CRYBG1: variants seen among roughly 807,000 people sequenced by gnomAD.
CRYBG1 encodes crystallin beta-gamma domain containing 1.
In CRYBG1, 139 loss-of-function variants were observed where a neutral mutation model predicts 189.2. That is an observed-to-expected ratio of 0.73 (90% CI 0.64 to 0.85). CRYBG1 has a LOEUF of 0.85. Ranked by LOEUF, CRYBG1 falls within the 40% of genes least tolerant of loss-of-function variation. CRYBG1 has a pLI of 0.00. For synonymous variants in CRYBG1, 1,023 were observed against 1,017.1 expected, an observed-to-expected ratio of 1.01 and a Z score of -0.11; for missense variants, 2,611 against 2,675.8, an observed-to-expected ratio of 0.98 and a Z score of 0.53.
intron 8 of CRYBG1, among the ~76,000 whole-genome samples, 165 bp downstream of exon 8, chr6:106,530,480 C>T (rs1017810804): frequency 2.6e-5 from 4 of 151,912 alleles, no homozygotes; most frequent in Non-Finnish European, 4.4e-5. Flanking sequence ...TTCTTTTGCA[C>T]CTATGTTATG....
chr6:106,364,047 G>T (rs992633779), intron 1 of CRYBG1, among the ~76,000 whole-genome samples: 1 of 152,138 alleles, frequency 6.6e-6, no homozygotes, highest in Non-Finnish European at 1.5e-5. Context: ...CAGTCCAGCC[G>T]GGTGCGGTCA....
chr6:106,396,154 CT>C (rs1770604103), intron 1 of CRYBG1, among the ~76,000 whole-genome samples: 1 of 152,128 alleles, frequency 6.6e-6, no homozygotes, highest in South Asian at 2.1e-4. Flanking sequence ...CATTGCTTAG[CT>C]TTGAGTATTT....
At position 106,555,970 on chromosome 6, in the gene CRYBG1, A is replaced by ACT; in HGVS notation, c.5715+73_5715+74insCT. ...AGCTGATGGTCAGAGTGAGGTAACC[A>ACT]GCCGGTAGAACCTGCTCTTAAAGTT... On this transcript the variant is annotated intron_variant, in intron 17 of 21. Coordinates refer to ENST00000633556, the MANE Select transcript of CRYBG1 (RefSeq NM_001371242.2). 2.6e-6 allele frequency: 4 copies of ACT among 1,558,392 alleles called. 1 individual carries two copies. The South Asian group carries it at 4.5e-5, about 18-fold the overall frequency.
chr6:106,460,819 C>T lies in CRYBG1; in HGVS notation c.312+8987C>T, dbSNP rs1423395706. On this transcript the variant is annotated intron_variant, in intron 2 of 21. Coordinates refer to ENST00000633556, the MANE Select transcript of CRYBG1 (RefSeq NM_001371242.2). ...GTTTTGTTTTCTTGAGACAGTCTCA[C>T]TCTGTTGCCCAGGCTGGATTGCAGA... Among the ~76,000 whole-genome samples, 6 of 152,306 alleles carry T rather than the reference C, an allele frequency of 3.9e-5. No homozygotes were observed. The South Asian group carries it at 6.2e-4, about 16-fold the overall frequency.
intron 1 of CRYBG1, among the ~76,000 whole-genome samples, chr6:106,395,826 A>G (rs566102985): frequency 3.3e-5 from 5 of 152,286 alleles, no homozygotes; most frequent in Admixed American, 3.3e-4. Flanking sequence ...TTTGGGGTCT[A>G]AATCACTCTT....
intron 1 of CRYBG1, among the ~76,000 whole-genome samples, chr6:106,446,825 G>T (rs1771671983): frequency 6.6e-6 from 1 of 152,220 alleles, no homozygotes; most frequent in South Asian, 2.1e-4. Flanking sequence ...ATTTGTCTGA[G>T]AATAGCCATG....
rs1019794095 is a variant in CRYBG1, at chr6:106,360,833, A to G, written c.-76A>G. ...GAGAAAGGCGGGCGAGCTGGCGCTC[A>G]GGTGTGTTCTTCCATAGGGCCCGGG... On this transcript the variant is annotated 5_prime_UTR_variant, in exon 1 of 22. Transcript: ENST00000633556. 84 of 1,415,890 alleles carry G rather than the reference A, an allele frequency of 5.9e-5. No homozygotes were observed. Among genetic ancestry groups the G allele is most frequent in the Non-Finnish European group, 7.2e-5 (78 of 1,085,484 alleles). 87.7% of individuals were successfully genotyped at this position (1,415,890 alleles called of 1,614,324 possible).
chr6:106,470,009 T>G (rs1407053542), intron 2 of CRYBG1, among the ~76,000 whole-genome samples: 1 of 152,144 alleles, frequency 6.6e-6, no homozygotes, highest in African/African-American at 2.4e-5. Context: ...CTGCTGAGCA[T>G]TCAGGCTGCC....
chr6:106,417,556 C>T (rs964579640), intron 1 of CRYBG1, among the ~76,000 whole-genome samples: 1 of 152,214 alleles, frequency 6.6e-6, no homozygotes, highest in Non-Finnish European at 1.5e-5. Context: ...ATAACCAAGG[C>T]ACTTACCCTT....
chr6:106,502,751 G>A (rs1936321316), intron 2 of CRYBG1, among the ~76,000 whole-genome samples: 2 of 152,104 alleles, frequency 1.3e-5, no homozygotes, highest in Non-Finnish European at 2.9e-5. Flanking sequence ...CTCAAGTTGT[G>A]TAATTAAGGA....
intron 1 of CRYBG1, among the ~76,000 whole-genome samples, chr6:106,417,102 C>T (rs1051046126): frequency 1.3e-5 from 2 of 148,354 alleles, no homozygotes; most frequent in Non-Finnish European, 3.0e-5. Context: ...ACCTCCCAGG[C>T]TCAATCCTCC....
intron 2 of CRYBG1, among the ~76,000 whole-genome samples, chr6:106,481,897 A>G (rs149876796): frequency 6.6e-6 from 1 of 152,322 alleles, no homozygotes; most frequent in Non-Finnish European, 1.5e-5. Context: ...GGGTTCCCCA[A>G]GTCTTGTGCA....
At chr6:106,456,276 C>T (rs1771886336) in intron 2 of CRYBG1, among the ~76,000 whole-genome samples, 1 of 151,974 alleles carries the variant, frequency 6.6e-6, no homozygotes, top group Non-Finnish European at 1.5e-5. Flanking sequence ...GCCTCAGCCT[C>T]CCTACTAGCT....
intron 2 of CRYBG1, among the ~76,000 whole-genome samples, chr6:106,494,963 CT>C (rs1772810909): frequency 6.6e-6 from 1 of 152,212 alleles, no homozygotes; most frequent in East Asian, 1.9e-4. Flanking sequence ...ATATATCCTT[CT>C]TTCTCTACCT....
At chr6:106,381,224 A>C (rs1770281528) in intron 1 of CRYBG1, among the ~76,000 whole-genome samples, 1 of 152,190 alleles carries the variant, frequency 6.6e-6, no homozygotes, top group Non-Finnish European at 1.5e-5. Context: ...AAAGTTTACA[A>C]AATTTGTGTC....
chr6:106,392,837 C>T (rs543146558), intron 1 of CRYBG1, among the ~76,000 whole-genome samples: 51 of 152,116 alleles, frequency 3.4e-4, no homozygotes, highest in African/African-American at 1.1e-3. Flanking sequence ...TGCAGTGGCA[C>T]GATCTCAGCT....
chr6:106,447,742 C>T (rs62420833), intron 1 of CRYBG1, among the ~76,000 whole-genome samples: 5 of 151,784 alleles, frequency 3.3e-5, no homozygotes, highest in African/African-American at 9.7e-5. Context: ...AACCATTATT[C>T]GGAATTGAAA....
intron 21 of CRYBG1, among the ~76,000 whole-genome samples, chr6:106,565,485 CT>C (rs1397251898): frequency 6.6e-6 from 1 of 152,116 alleles, no homozygotes; most frequent in Non-Finnish European, 1.5e-5. Context: ...AGGTAGGTAG[CT>C]TGGCCAACCC....
At chr6:106,433,739 A>G (rs1184958012) in intron 1 of CRYBG1, among the ~76,000 whole-genome samples, 5 of 25,478 alleles carry the variant, frequency 2.0e-4, no homozygotes, top group African/African-American at 7.0e-4. Flanking sequence ...ATATATACAT[A>G]TATATGTATA....
Sources: allele counts gnomAD v4.1 joint callset (sites outside exome capture counted in the v4.1 genomes callset), GRCh38; gene constraint gnomAD v4.1.1; transcripts MANE v1.5; gene names NCBI Gene and HGNC (gene_info 2026-07-23, HGNC 2026-07-21).